Variants in KIAA0040 observed in about 807,000 individuals in gnomAD.
The protein encoded by KIAA0040 is uncharacterized protein KIAA0040.
In KIAA0040, 10 loss-of-function variants were observed where a neutral mutation model predicts 7.2. The ratio of observed to expected loss-of-function variants is 1.38; its 90% CI spans 0.85 to 2.34. KIAA0040 has a LOEUF of 2.34. Among genes scored for constraint, KIAA0040 ranks in the 30% most tolerant of loss-of-function variants. The probability of loss-of-function intolerance (pLI) is 0.00; values close to 1 mark genes in which losing one functional copy is unlikely to be tolerated. For synonymous variants in KIAA0040, 49 were observed against 40.1 expected (o/e 1.22, Z -0.84); for missense variants, 89 against 108.2 (o/e 0.82, Z 0.79).
intron 1 of KIAA0040, among the ~76,000 whole-genome samples, chr1:175,187,750 A>G (rs1677718515): frequency 6.6e-6 from 1 of 151,722 alleles, no homozygotes; most frequent in Non-Finnish European, 1.5e-5. Context: ...CTGCCCCTAC[A>G]CCACCTCTGA....
At chr1:175,183,942 T>C (rs929031951) in intron 1 of KIAA0040, among the ~76,000 whole-genome samples, 3 of 152,106 alleles carry the variant, frequency 2.0e-5, no homozygotes, top group African/African-American at 7.2e-5. Flanking sequence ...ATAGAAGAGC[T>C]TGAGAACTGT....
At chr1:175,164,966 GA>G (rs1676699747) in intron 3 of KIAA0040, among the ~76,000 whole-genome samples, 1 of 152,212 alleles carries the variant, frequency 6.6e-6, no homozygotes, top group Admixed American at 6.5e-5. Flanking sequence ...GACAATGCTT[GA>G]AAAGTAATTC....
intron 2 of KIAA0040, among the ~76,000 whole-genome samples, chr1:175,175,862 A>G (rs1211074789): frequency 6.7e-6 from 1 of 149,444 alleles, no homozygotes; most frequent in Non-Finnish European, 1.5e-5. Context: ...AACATCACAC[A>G]CTGGGGCCCA....
intron 2 of KIAA0040, among the ~76,000 whole-genome samples, chr1:175,171,022 C>T (rs138846484): frequency 1.6e-3 from 244 of 152,350 alleles, no homozygotes; most frequent in Non-Finnish European, 2.9e-3. Flanking sequence ...ACTACTGGAC[C>T]GTCCACTCGC....
chr1:175,163,522 G>C (rs1384211099), intron 3 of KIAA0040, among the ~76,000 whole-genome samples: 1 of 152,230 alleles, frequency 6.6e-6, no homozygotes, highest in Non-Finnish European at 1.5e-5. Flanking sequence ...CAAGCTGCCA[G>C]GCTCTCTGTA....
Position 175,160,558 on chromosome 1 carries a change from C to T in KIAA0040, c.*156G>A. The T allele has an allele frequency of 1.4e-6, 1 of 736,024 alleles. No homozygotes were observed. Among genetic ancestry groups the T allele is most frequent in the South Asian group, 2.0e-5 (1 of 50,576 alleles). 45.6% of individuals were successfully genotyped at this position (736,024 alleles called of 1,614,324 possible). Reference sequence around the variant, plus strand: ...TGTCCACGTGGTCCCTGGGACTGCCCTCCACTGGGACACTTAGTCTGAGGT... The same window carrying T: ...TGTCCACGTGGTCCCTGGGACTGCCTTCCACTGGGACACTTAGTCTGAGGT... On this transcript the variant is annotated 3_prime_UTR_variant, in exon 4 of 4. Coordinates refer to ENST00000423313, the MANE Select transcript of KIAA0040 (RefSeq NM_014656.3).
rs1282019015 is a variant in KIAA0040, at chr1:175,158,646, G to A, written c.*2068C>T. 6.6e-6 allele frequency: 1 copy of A among 152,310 alleles called. No homozygotes were observed. The highest frequency in any genetic ancestry group is 1.5e-5 in the Non-Finnish European group (1 of 68,076). The allele number at this position is 152,310 out of a possible 1,614,324, so 9.4% of individuals were successfully genotyped here. A position where few individuals can be genotyped will look rare whatever the true frequency, so the allele number is the denominator to read the frequency against. On this transcript the variant is annotated 3_prime_UTR_variant, in exon 4 of 4. Coordinates refer to ENST00000423313, the MANE Select transcript of KIAA0040 (RefSeq NM_014656.3). Reference sequence around the variant, plus strand: ...GGCAGATGGCAAGTCATTCTGTTATGTGAAGGGCACAGCCAGAGGCCCCAT... The same window carrying A: ...GGCAGATGGCAAGTCATTCTGTTATATGAAGGGCACAGCCAGAGGCCCCAT...
intron 2 of KIAA0040, among the ~76,000 whole-genome samples, chr1:175,169,289 T>G (rs1676890552): frequency 6.6e-6 from 1 of 152,238 alleles, no homozygotes; most frequent in African/African-American, 2.4e-5. Flanking sequence ...TTTACCTTAG[T>G]GCTTTTGAGC....
intron 2 of KIAA0040, among the ~76,000 whole-genome samples, chr1:175,169,542 A>G (rs936967740): frequency 2.0e-5 from 3 of 152,218 alleles, no homozygotes; most frequent in African/African-American, 7.2e-5. Context: ...GCCAAAGTAA[A>G]CAGCCCTTGA....
intron 1 of KIAA0040, among the ~76,000 whole-genome samples, chr1:175,189,417 G>A (rs1218603026): frequency 6.6e-6 from 1 of 152,178 alleles, no homozygotes; most frequent in Non-Finnish European, 1.5e-5. Context: ...TGGAATATTG[G>A]TGCTTTCAGC....
Position 175,160,076 on chromosome 1 carries a change from C to T in KIAA0040, c.*638G>A, listed in dbSNP as rs553500773. 77 of 153,958 alleles carry T rather than the reference C, an allele frequency of 5.0e-4. No homozygotes were observed. The highest frequency in any genetic ancestry group is 1.8e-3 in the African/African-American group (75 of 41,540). The allele number at this position is 153,958 out of a possible 1,614,324, so 9.5% of individuals were successfully genotyped here. A position where few individuals can be genotyped will look rare whatever the true frequency, so the allele number is the denominator to read the frequency against. ...AGACACACAAGGGTGGGGACTGTAGCAGGTTGCTGGAATGTCCAATTATGA... is the reference window on the plus strand; with the variant it reads ...AGACACACAAGGGTGGGGACTGTAGTAGGTTGCTGGAATGTCCAATTATGA... On this transcript the variant is annotated 3_prime_UTR_variant, in exon 4 of 4. Coordinates refer to ENST00000423313, the MANE Select transcript of KIAA0040 (RefSeq NM_014656.3).
intron 2 of KIAA0040, chr1:175,176,618 T>C (rs918734483): frequency 7.1e-6 from 1 of 139,872 alleles, no homozygotes; most frequent in Non-Finnish European, 1.5e-5. Flanking sequence ...CATATATGAG[T>C]GAGCTAAAAT....
chr1:175,192,019 C>T (rs1677883748), intron 1 of KIAA0040, among the ~76,000 whole-genome samples: 1 of 152,186 alleles, frequency 6.6e-6, no homozygotes, highest in African/African-American at 2.4e-5. Flanking sequence ...TAAAGCTCTT[C>T]AGAATGTTAG....
upstream of KIAA0040, chr1:175,192,870 C>G (rs1032973537): frequency 6.6e-6 from 1 of 150,734 alleles, no homozygotes; most frequent in Non-Finnish European, 1.5e-5. Flanking sequence ...CTGCCGCTGC[C>G]GCCGAGGGCA....
At chr1:175,191,761 G>A (rs1381922121) in intron 1 of KIAA0040, among the ~76,000 whole-genome samples, 1 of 152,202 alleles carries the variant, frequency 6.6e-6, no homozygotes, top group African/African-American at 2.4e-5. Context: ...CTGAGCAAAT[G>A]AAATGCAACT....
intron 3 of KIAA0040, among the ~76,000 whole-genome samples, chr1:175,164,550 A>C (rs1676680150): frequency 6.6e-6 from 1 of 151,274 alleles, no homozygotes; most frequent in Non-Finnish European, 1.5e-5. Context: ...CTTGGCACCT[A>C]AAATGGCCTT....
chr1:175,173,533 G>T (rs566004198), intron 2 of KIAA0040, among the ~76,000 whole-genome samples: 1 of 152,184 alleles, frequency 6.6e-6, no homozygotes, highest in Non-Finnish European at 1.5e-5. Context: ...CTACTCAAGC[G>T]CAGAAAGACG....
chr1:175,167,539 G>A (rs978586220), intron 2 of KIAA0040, among the ~76,000 whole-genome samples: 1 of 152,232 alleles, frequency 6.6e-6, no homozygotes, highest in Non-Finnish European at 1.5e-5. Context: ...TGTAAGCCAC[G>A]TGGAGGGCTA....
chr1:175,192,845 C>T, upstream of KIAA0040: 1 of 150,998 alleles, frequency 6.6e-6, no homozygotes, highest in African/African-American at 2.4e-5. Context: ...CGCCCCGCTC[C>T]ACCCCCGCGC....
Sources: gnomAD v4.1 joint callset for allele counts (sites outside exome capture counted in the v4.1 genomes callset) on GRCh38, gnomAD v4.1.1 for gene constraint, MANE v1.5 for transcripts, NCBI Gene and HGNC (gene_info 2026-07-23, HGNC 2026-07-21) for gene names.